The following C12orf56 variants were observed in gnomAD, a reference collection of about 807,000 sequenced individuals.
C12orf56 encodes the protein uncharacterized protein C12orf56.
A neutral mutation model predicts 69.9 loss-of-function variants in C12orf56; 71 were observed. That is an observed-to-expected ratio of 1.02 (90% CI 0.84 to 1.24). The LOEUF (loss-of-function observed/expected upper bound fraction) is 1.24. Among genes scored for constraint, C12orf56 ranks in the 50% most tolerant of loss-of-function variants. The pLI is 0.00. For synonymous variants in C12orf56, 276 were observed against 274.1 expected (o/e 1.01, Z -0.07); for missense variants, 732 against 738.5 (o/e 0.99, Z 0.10).
At chr12:64,302,902 A>G (rs1283221998) in intron 6 of C12orf56, among the ~76,000 whole-genome samples, 1 of 152,190 alleles carries the variant, frequency 6.6e-6, no homozygotes, top group Non-Finnish European at 1.5e-5. Flanking sequence ...TTAGGAAGCC[A>G]AGGCAGGAGG....
At chr12:64,347,592 C>T (rs56010773) in intron 2 of C12orf56, among the ~76,000 whole-genome samples, 66,880 of 151,894 alleles carry the variant, frequency 0.44, 15,050 homozygotes, top group Admixed American at 0.56. Context: ...TCCCTGTTTT[C>T]TAGAGACAGG....
At chr12:64,358,301 T>C (rs2039347935) in intron 1 of C12orf56, among the ~76,000 whole-genome samples, 1 of 150,686 alleles carries the variant, frequency 6.6e-6, no homozygotes. Flanking sequence ...ATACTAAAAA[T>C]ACAAAAATTA....
chr12:64,382,318 A>G (rs996878370), intron 1 of C12orf56, among the ~76,000 whole-genome samples: 9 of 151,964 alleles, frequency 5.9e-5, no homozygotes, highest in Non-Finnish European at 1.2e-4. Context: ...CACCTAATAC[A>G]TAATCAGTAC....
intron 1 of C12orf56, chr12:64,355,922 T>C (rs914954127): frequency 6.6e-6 from 1 of 152,196 alleles, no homozygotes; most frequent in African/African-American, 2.4e-5. Flanking sequence ...TCCAGCACTT[T>C]GGGTGGCCCA....
intron 6 of C12orf56, among the ~76,000 whole-genome samples, chr12:64,296,694 T>C (rs992515382): frequency 6.6e-6 from 1 of 152,200 alleles, no homozygotes; most frequent in Non-Finnish European, 1.5e-5. Flanking sequence ...TGCTGTAGTC[T>C]GAATGTGTCC....
intron 1 of C12orf56, among the ~76,000 whole-genome samples, chr12:64,381,989 C>T (rs957981962): frequency 3.9e-5 from 6 of 152,066 alleles, no homozygotes; most frequent in African/African-American, 7.2e-5. Flanking sequence ...CAGCAGGGCG[C>T]GGTGGCTCAC....
chr12:64,390,329 G>T lies in C12orf56; in HGVS notation c.237C>A (p.Val79=), dbSNP rs373461045. ...CGCCGCTCACCAGGTCAATGGCCACGACGTCCCGCAGAGCCACTACCCGCC... is the reference window on the plus strand; with the variant it reads ...CGCCGCTCACCAGGTCAATGGCCACTACGTCCCGCAGAGCCACTACCCGCC... The part of the protein sequence containing the change: ...SIRRVVALRD[V]VAIDLIDDYP... The change falls in exon 1 of 13, where the codon GTC becomes GTA. Residue 79 remains valine, a synonymous_variant. Coordinates refer to ENST00000543942, the MANE Select transcript of C12orf56 (RefSeq NM_001170633.2). 1 of 1,609,876 alleles carries T rather than the reference G, an allele frequency of 6.2e-7. No individual in the cohort carries two copies. The highest frequency in any genetic ancestry group is 1.7e-5 in the Admixed American group (1 of 59,840).
chr12:64,273,931 A>G (rs1402620146), intron 11 of C12orf56, among the ~76,000 whole-genome samples: 1 of 152,192 alleles, frequency 6.6e-6, no homozygotes, highest in Admixed American at 6.5e-5. Context: ...GGAGGCAGAG[A>G]CAGAATATGA....
intron 4 of C12orf56, among the ~76,000 whole-genome samples, chr12:64,313,092 C>T (rs1683345563): frequency 6.6e-6 from 1 of 151,520 alleles, no homozygotes; most frequent in African/African-American, 2.4e-5. Context: ...AACCCCATCT[C>T]TACTAAAAAT....
At chr12:64,322,776 A>C (rs983078776) in intron 3 of C12orf56, among the ~76,000 whole-genome samples, 1 of 152,166 alleles carries the variant, frequency 6.6e-6, no homozygotes. Flanking sequence ...AGTGTTTTCT[A>C]TCCCACCCTG....
At chr12:64,269,181 A>T (rs576305972) in intron 12 of C12orf56, among the ~76,000 whole-genome samples, 39 of 148,558 alleles carry the variant, frequency 2.6e-4, no homozygotes, top group African/African-American at 8.6e-4. Flanking sequence ...GTTTTTTTTT[A>T]AAAAAAGACA....
chr12:64,264,973 G>A lies in C12orf56; in HGVS notation c.*2210C>T, dbSNP rs566314976. On this transcript the variant is annotated 3_prime_UTR_variant, in exon 13 of 13. Transcript: ENST00000543942. ...TCCCAGAGATTAAAGTAAGATCCCA[G>A]GGCAAAGAGAGGAGTGGGAGAGGCA... The A allele has an allele frequency of 1.3e-5, 2 of 152,306 alleles. No individual in the cohort carries two copies. The highest frequency in any genetic ancestry group is 2.1e-4 in the South Asian group (1 of 4,824). The allele number at this position is 152,306 out of a possible 1,614,324, so 9.4% of individuals were successfully genotyped here. A position where few individuals can be genotyped will look rare whatever the true frequency, so the allele number is the denominator to read the frequency against.
At chr12:64,380,129 A>C (rs1382036394) in intron 1 of C12orf56, among the ~76,000 whole-genome samples, 998 of 49,242 alleles carry the variant, frequency 0.02, 88 homozygotes, top group Non-Finnish European at 0.04. Flanking sequence ...AAAAAAAAAA[A>C]AAAAACAAAA....
chr12:64,304,270 G>A (rs1772293480), intron 5 of C12orf56, among the ~76,000 whole-genome samples: 1 of 152,182 alleles, frequency 6.6e-6, no homozygotes, highest in African/African-American at 2.4e-5. Flanking sequence ...AAGGGCAGAT[G>A]AGCATGTGTT....
At chr12:64,354,229 T>A (rs2039275424) in intron 1 of C12orf56, among the ~76,000 whole-genome samples, 2 of 152,218 alleles carry the variant, frequency 1.3e-5, no homozygotes, top group Non-Finnish European at 2.9e-5. Flanking sequence ...AGATCTTCTC[T>A]GCAACAGCCT....
At chr12:64,352,093 GT>G (rs1212922484) in intron 2 of C12orf56, among the ~76,000 whole-genome samples, 1 of 112,978 alleles carries the variant, frequency 8.9e-6, no homozygotes, top group East Asian at 2.8e-4. Context: ...TTTTGTTTTT[GT>G]TTTTGTTTTT....
intron 2 of C12orf56, among the ~76,000 whole-genome samples, chr12:64,345,720 C>T (rs2039132279): frequency 6.6e-6 from 1 of 152,144 alleles, no homozygotes; most frequent in Admixed American, 6.6e-5. Flanking sequence ...TAGATAGAAT[C>T]CCTGAGTTTA....
At chr12:64,360,246 G>A (rs1592487419) in intron 1 of C12orf56, among the ~76,000 whole-genome samples, 3 of 151,304 alleles carry the variant, frequency 2.0e-5, no homozygotes, top group African/African-American at 4.9e-5. Context: ...CCAGCATGGC[G>A]AAACCCCGTC....
At chr12:64,327,501 G>C (rs2038860093) in intron 3 of C12orf56, among the ~76,000 whole-genome samples, 1 of 152,152 alleles carries the variant, frequency 6.6e-6, no homozygotes, top group African/African-American at 2.4e-5. Flanking sequence ...AATGTGTAGT[G>C]GTGTTTCTTA....
Sources: gnomAD v4.1 joint callset for allele counts (sites outside exome capture counted in the v4.1 genomes callset) on GRCh38, gnomAD v4.1.1 for gene constraint, MANE v1.5 for transcripts, NCBI Gene and HGNC (gene_info 2026-07-23, HGNC 2026-07-21) for gene names.